Variants in LITAF observed in about 807,000 individuals in gnomAD.
LITAF encodes the protein lipopolysaccharide induced TNF factor.
A neutral mutation model predicts 14.5 loss-of-function variants in LITAF; 9 were observed. That is an observed-to-expected ratio of 0.62 (90% CI 0.37 to 1.08). The LOEUF (loss-of-function observed/expected upper bound fraction) is 1.08. LITAF is among the 50% of genes least tolerant of loss of function. The pLI, the probability that LITAF is intolerant of heterozygous loss-of-function variation, is 0.01. For synonymous variants in LITAF, 98 were observed against 88.2 expected, an observed-to-expected ratio of 1.11 and a Z score of -0.62; for missense variants, 206 against 213.4, an observed-to-expected ratio of 0.97 and a Z score of 0.22.
At chr16:11,603,947 T>C (rs943067142) in intron 3 of LITAF, among the ~76,000 whole-genome samples, 3 of 152,144 alleles carry the variant, frequency 2.0e-5, no homozygotes, top group African/African-American at 7.2e-5. Context: ...CTCAGGAGGC[T>C]GAGGCAGGAG....
Position 11,549,594 on chromosome 16 carries a change from G to T in LITAF, c.*43C>A. 2.0e-6 allele frequency: 3 copies of T among 1,463,664 alleles called. No homozygotes were observed. The highest frequency in any genetic ancestry group is 1.9e-6 in the Non-Finnish European group (2 of 1,054,130). The allele number at this position is 1,463,664 out of a possible 1,614,324, so 90.7% of individuals were successfully genotyped here. A position where few individuals can be genotyped will look rare whatever the true frequency, so the allele number is the denominator to read the frequency against. On this transcript the variant is annotated 3_prime_UTR_variant, in exon 4 of 4. Transcript: ENST00000622633. The surrounding 1 kb of genome is among the most constrained non-coding windows in gnomAD (Gnocchi z 4.6). ...CGTGAAGCTGGATGAGAGGTGGAAA[G>T]GACTTCCTGCGGCACCCGGCTCCCT...
intron 3 of LITAF, among the ~76,000 whole-genome samples, chr16:11,622,819 A>G (rs1444030132): frequency 2.0e-5 from 3 of 152,048 alleles, no homozygotes; most frequent in South Asian, 2.1e-4. Context: ...TTGGAGCTAC[A>G]TTCACTGAAG....
intron 1 of LITAF, among the ~76,000 whole-genome samples, chr16:11,569,516 A>G (rs943082841): frequency 1.3e-5 from 2 of 152,188 alleles, no homozygotes; most frequent in African/African-American, 4.8e-5. Flanking sequence ...TGCTGGGATT[A>G]AATCAAGATA....
intron 3 of LITAF, among the ~76,000 whole-genome samples, chr16:11,614,845 T>C (rs2065007198): frequency 6.6e-6 from 1 of 152,246 alleles, no homozygotes; most frequent in South Asian, 2.1e-4. Context: ...CCCAGTGGCA[T>C]GCATTACCCT....
At chr16:11,569,626 G>A (rs936269146) in intron 1 of LITAF, among the ~76,000 whole-genome samples, 1 of 152,070 alleles carries the variant, frequency 6.6e-6, no homozygotes, top group African/African-American at 2.4e-5. Context: ...GGAATGGCGT[G>A]GACTACGGCC....
intron 3 of LITAF, among the ~76,000 whole-genome samples, chr16:11,608,224 C>G (rs2141874287): frequency 6.6e-6 from 1 of 152,292 alleles, no homozygotes; most frequent in South Asian, 2.1e-4. Context: ...CAAGATCACA[C>G]CGCAAGCACA....
At chr16:11,608,606 A>C (rs1183916126) in intron 3 of LITAF, among the ~76,000 whole-genome samples, 1 of 152,226 alleles carries the variant, frequency 6.6e-6, no homozygotes, top group African/African-American at 2.4e-5. Context: ...TAAAGCACTG[A>C]TACGGGCTGC....
chr16:11,600,191 A>G (rs1159112808), upstream of LITAF, among the ~76,000 whole-genome samples: 1 of 152,026 alleles, frequency 6.6e-6, no homozygotes, highest in Non-Finnish European at 1.5e-5. The surrounding 1 kb of genome is among the most constrained non-coding windows in gnomAD (Gnocchi z 4.1). Flanking sequence ...TTTTGTAGAG[A>G]TGGGATCTCT....
chr16:11,637,103 C>A (rs912615878), upstream of LITAF, among the ~76,000 whole-genome samples: 6 of 152,180 alleles, frequency 3.9e-5, no homozygotes, highest in Admixed American at 3.9e-4. Flanking sequence ...GTTGGCCGGG[C>A]TGGTCTCAAA....
At chr16:11,614,662 C>A (rs1220923543) in intron 3 of LITAF, among the ~76,000 whole-genome samples, 1 of 152,060 alleles carries the variant, frequency 6.6e-6, no homozygotes, top group Non-Finnish European at 1.5e-5. Flanking sequence ...TGCAATGGCA[C>A]AACTTCAGCT....
chr16:11,633,430 G>C (rs1450346001), intron 3 of LITAF: 1 of 152,226 alleles, frequency 6.6e-6, no homozygotes, highest in African/African-American at 2.4e-5. Context: ...CAGACTGTTA[G>C]GCATTCTAAG....
chr16:11,634,917 C>T lies in LITAF; in HGVS notation c.-21+908G>A, dbSNP rs1294067228. On this transcript the variant is annotated intron_variant, in intron 2 of 3. Coordinates refer to the LITAF transcript ENST00000574848. This position sits in a 1 kb window ranked among gnomAD's most constrained non-coding sequence, Gnocchi z 4.1. ...GGCGTGTTGGTGGGCACCTATAATC[C>T]CAGCTATTTGGGAGGCTGAGGCAGG... Among the ~76,000 whole-genome samples the T allele has an allele frequency of 6.6e-6, 1 of 151,994 alleles. No individual in the cohort carries two copies. The highest frequency in any genetic ancestry group is 6.6e-5 in the Admixed American group (1 of 15,238).
chr16:11,606,441 T>G (rs1430164085), intron 3 of LITAF, among the ~76,000 whole-genome samples: 1 of 151,992 alleles, frequency 6.6e-6, no homozygotes, highest in Non-Finnish European at 1.5e-5. Flanking sequence ...AGTGCTGGGA[T>G]TATAGATGTG....
chr16:11,574,795 T>C (rs1039888114), intron 1 of LITAF, among the ~76,000 whole-genome samples: 4 of 78,696 alleles, frequency 5.1e-5, no homozygotes, highest in Admixed American at 2.1e-4. Flanking sequence ...TATTTGTCAA[T>C]ATAAAGTTTT....
chr16:11,591,659 G>C (rs1333325186), upstream of LITAF, among the ~76,000 whole-genome samples: 1 of 149,064 alleles, frequency 6.7e-6, no homozygotes, highest in Middle Eastern at 3.4e-3. Flanking sequence ...TTTTTTTTTT[G>C]AGACAGAGTC....
chr16:11,578,783 T>G (rs115224787), intron 1 of LITAF, among the ~76,000 whole-genome samples: 2 of 152,222 alleles, frequency 1.3e-5, no homozygotes, highest in African/African-American at 2.4e-5. Flanking sequence ...CAACCCTGAT[T>G]TGAGGGAAAT....
intron 1 of LITAF, among the ~76,000 whole-genome samples, chr16:11,560,145 A>C (rs907771540): frequency 2.6e-5 from 4 of 151,296 alleles, no homozygotes; most frequent in African/African-American, 4.9e-5. Context: ...AAAAATACAA[A>C]AATTAGCCAG....
At chr16:11,550,152 G>A (rs963398179) in intron 3 of LITAF, among the ~76,000 whole-genome samples, 4 of 152,034 alleles carry the variant, frequency 2.6e-5, no homozygotes, top group African/African-American at 9.7e-5. Context: ...TCGCTCTGTC[G>A]CCCAGGGTTC....
chr16:11,559,690 T>A (rs565730013), intron 1 of LITAF, among the ~76,000 whole-genome samples: 13 of 151,708 alleles, frequency 8.6e-5, no homozygotes, highest in Middle Eastern at 6.8e-3. Flanking sequence ...TGTTTCTTTG[T>A]ACCTTTCAAA....
Sources: allele counts gnomAD v4.1 joint callset (sites outside exome capture counted in the v4.1 genomes callset), GRCh38; gene constraint gnomAD v4.1.1; non-coding constraint Gnocchi (gnomAD v3.1); transcripts MANE v1.5; gene names NCBI Gene and HGNC (gene_info 2026-07-23, HGNC 2026-07-21).